SND1: variants seen among roughly 807,000 people sequenced by gnomAD.
SND1 encodes the protein staphylococcal nuclease and tudor domain containing 1, also known as staphylococcal nuclease domain-containing protein 1.
Under a neutral mutation model 121.7 loss-of-function variants are expected in SND1, and 38 were observed. The ratio of observed to expected loss-of-function variants is 0.31; its 90% CI spans 0.24 to 0.41. SND1 has a LOEUF of 0.41. SND1 is among the 10% of genes least tolerant of loss of function. SND1 has a pLI of 1.00. For missense variants in SND1, 868 were observed against 1,184.6 expected (o/e 0.73, Z 3.92); for synonymous variants, 401 against 447.4 (o/e 0.90, Z 1.31).
chr7:128,053,359 GC>G, intron 16 of SND1, among the ~76,000 whole-genome samples: 1 of 152,130 alleles, frequency 6.6e-6, no homozygotes, highest in Non-Finnish European at 1.5e-5. Flanking sequence ...AAGGCTTTGG[GC>G]ACTTAAGTGG....
chr7:128,003,233 T>C (rs894503061), intron 16 of SND1, among the ~76,000 whole-genome samples: 2 of 151,218 alleles, frequency 1.3e-5, no homozygotes, highest in Non-Finnish European at 1.5e-5. Context: ...AAAATGAAAA[T>C]GAAAAAGAAA....
At chr7:127,911,982 C>G (rs750227788) in intron 14 of SND1, among the ~76,000 whole-genome samples, 20 of 151,664 alleles carry the variant, frequency 1.3e-4, no homozygotes, top group Non-Finnish European at 7.4e-5. Context: ...CTCTCTCTTT[C>G]TTTTATTTCT....
intron 16 of SND1, among the ~76,000 whole-genome samples, chr7:128,020,073 T>C (rs1175662840): frequency 1.3e-5 from 2 of 152,292 alleles, no homozygotes; most frequent in South Asian, 2.1e-4. Flanking sequence ...TGCACTCTTG[T>C]AGAGAGAAGG....
intron 10 of SND1, among the ~76,000 whole-genome samples, chr7:127,758,109 A>G (rs765143118): frequency 2.0e-5 from 3 of 152,246 alleles, no homozygotes; most frequent in Non-Finnish European, 4.4e-5. Context: ...AATTAATGTT[A>G]TTACATAGAA....
intron 1 of SND1, among the ~76,000 whole-genome samples, chr7:127,669,072 A>G (rs1795469676): frequency 6.6e-6 from 1 of 151,994 alleles, no homozygotes; most frequent in African/African-American, 2.4e-5. Context: ...GGCTCACTGC[A>G]ACCTCCGCCT....
At chr7:127,716,699 A>G (rs1459961312) in intron 9 of SND1, among the ~76,000 whole-genome samples, 1 of 151,900 alleles carries the variant, frequency 6.6e-6, no homozygotes, top group Non-Finnish European at 1.5e-5. Context: ...TTCTTGCTGA[A>G]CTTCTTTGGC....
intron 11 of SND1, among the ~76,000 whole-genome samples, chr7:127,838,065 A>G (rs903831377): frequency 6.6e-6 from 1 of 152,138 alleles, no homozygotes; most frequent in Non-Finnish European, 1.5e-5. Flanking sequence ...TAAAGAGAGC[A>G]GGGGTACGAG....
intron 16 of SND1, among the ~76,000 whole-genome samples, chr7:128,021,576 G>A (rs1803350404): frequency 6.6e-6 from 1 of 152,238 alleles, no homozygotes; most frequent in Admixed American, 6.5e-5. Flanking sequence ...CACTTAGTGT[G>A]TGAAAGCTCT....
chr7:127,782,947 C>T (rs890294994), intron 10 of SND1, among the ~76,000 whole-genome samples: 3 of 152,200 alleles, frequency 2.0e-5, no homozygotes, highest in African/African-American at 4.8e-5. Flanking sequence ...GGAAGTAGAC[C>T]TATTGCAACA....
intron 16 of SND1, among the ~76,000 whole-genome samples, chr7:128,040,275 T>TA (rs766204900): frequency 6.7e-4 from 96 of 144,354 alleles, no homozygotes; most frequent in East Asian, 3.4e-3. Context: ...CACAGAAATT[T>TA]AAAAAAAAAA....
At chr7:128,026,877 G>A (rs1305703891) in intron 16 of SND1, among the ~76,000 whole-genome samples, 1 of 152,102 alleles carries the variant, frequency 6.6e-6, no homozygotes, top group African/African-American at 2.4e-5. Flanking sequence ...CTAGAATCGG[G>A]GTGCTTTTAT....
At chr7:128,074,806 A>G in intron 17 of SND1, 116 bp downstream of exon 17, 1 of 1,080,400 alleles carries the variant, frequency 9.3e-7, no homozygotes, top group East Asian at 2.6e-5. Flanking sequence ...TAGCCCAGGA[A>G]GGTGTTGGTC....
In SND1 at chr7:128,029,297, G is replaced by T. The variant is rs1462981579; in HGVS notation, c.1779+38241G>T. 6.2e-7 allele frequency: 1 copy of T among 1,614,188 alleles called. No individual in the cohort carries two copies. Among genetic ancestry groups the T allele is most frequent in the South Asian group, 1.1e-5 (1 of 91,070 alleles). On this transcript the variant is annotated intron_variant, in intron 16 of 23. Transcript: ENST00000354725. The surrounding 1 kb of genome is among the most constrained non-coding windows in gnomAD (Gnocchi z 4.2). ...CTGTGGTGAAGAAGCTGTAGTTGGA[G>T]GTGTTAAGCTCAGCCGTGCTCACAT...
Position 128,084,588 on chromosome 7 carries a change from T to C in SND1, c.2111-136T>C, listed in dbSNP as rs1198011291. 18 of 886,304 alleles carry C rather than the reference T, an allele frequency of 2.0e-5. No individual in the cohort carries two copies. The Admixed American group carries it at 3.0e-4, about 15-fold the overall frequency. The allele number at this position is 886,304 out of a possible 1,614,324, so 54.9% of individuals were successfully genotyped here. A position where few individuals can be genotyped will look rare whatever the true frequency, so the allele number is the denominator to read the frequency against. ...GACCAAGAGGGCTTCCCCGCATGGG[T>C]TGGGGACAGAGCCAGTGCTGCAGTG... On this transcript the variant is annotated intron_variant, in intron 18 of 23. Coordinates refer to ENST00000354725, the MANE Select transcript of SND1 (RefSeq NM_014390.4).
intron 10 of SND1, among the ~76,000 whole-genome samples, chr7:127,799,995 C>G (rs1415451941): frequency 2.0e-5 from 3 of 152,176 alleles, no homozygotes; most frequent in Non-Finnish European, 4.4e-5. Context: ...ATCAGACCTG[C>G]CTTTTATAGA....
At chr7:128,012,813 G>A (rs1360620034) in intron 16 of SND1, among the ~76,000 whole-genome samples, 1 of 152,092 alleles carries the variant, frequency 6.6e-6, no homozygotes, top group Non-Finnish European at 1.5e-5. Context: ...TTCTTTCTTG[G>A]GGGGTTTTGT....
At chr7:127,778,177 T>C (rs1360188709) in intron 10 of SND1, among the ~76,000 whole-genome samples, 2 of 108,894 alleles carry the variant, frequency 1.8e-5, no homozygotes, top group African/African-American at 8.2e-5. Context: ...TTTATTTGTG[T>C]CTTATTTATT....
intron 17 of SND1, 29 bp from the exon 18 acceptor site, chr7:128,081,330 TC>T: frequency 6.2e-7 from 1 of 1,613,332 alleles, no homozygotes; most frequent in Non-Finnish European, 8.5e-7. Flanking sequence ...TTCCTCGCCC[TC>T]TTCTCACCTC....
chr7:127,735,273 T>G (rs1237496888), intron 10 of SND1, among the ~76,000 whole-genome samples: 1 of 152,228 alleles, frequency 6.6e-6, no homozygotes, highest in Non-Finnish European at 1.5e-5. Flanking sequence ...CTTCCTAAGC[T>G]CCTGTTTTTC....
Sources: gnomAD v4.1 joint callset for allele counts (sites outside exome capture counted in the v4.1 genomes callset) on GRCh38, gnomAD v4.1.1 for gene constraint, Gnocchi (gnomAD v3.1) non-coding constraint, MANE v1.5 for transcripts, NCBI Gene and HGNC (gene_info 2026-07-23, HGNC 2026-07-21) for gene names.